Variants in STPG2 observed in about 807,000 individuals in gnomAD.
STPG2 encodes the protein sperm tail PG-rich repeat containing 2.
A neutral mutation model predicts 54.2 loss-of-function variants in STPG2; 56 were observed. The observed-to-expected ratio is 1.03, with a 90% CI of 0.83 to 1.29. The LOEUF is 1.29. Ranked by LOEUF, STPG2 falls within the 50% of genes most tolerant of loss-of-function variation. The pLI is 0.00. For synonymous variants in STPG2, 200 were observed against 181.8 expected, an observed-to-expected ratio of 1.10 and a Z score of -0.81; for missense variants, 596 against 544.9, an observed-to-expected ratio of 1.09 and a Z score of -0.93.
intron 10 of STPG2, among the ~76,000 whole-genome samples, chr4:97,688,959 C>A (rs115716217): frequency 0.04 from 6,098 of 152,202 alleles, 173 homozygotes; most frequent in Middle Eastern, 0.068. Context: ...AACTAAAACA[C>A]TAATCTTTGC....
In STPG2 at chr4:97,564,595, T is replaced by C. The variant is rs568855744; in HGVS notation, c.1321-5478A>G. 3.7e-4 allele frequency among the ~76,000 whole-genome samples: 57 copies of C among 152,290 alleles called. 1 individual carries two copies. Among genetic ancestry groups the C allele is most frequent in the African/African-American group, 1.3e-3 (55 of 41,554 alleles). ...ACTGGTTGTTCCTTTCCATGTTTAG[T>C]GCTTCCTTCAGGACCTCTTTTAGGG... On this transcript the variant is annotated intron_variant, in intron 10 of 10. Transcript: ENST00000295268.
intron 8 of STPG2, among the ~76,000 whole-genome samples, chr4:97,899,168 T>C (rs2149183639): frequency 1.3e-5 from 2 of 151,946 alleles, no homozygotes; most frequent in Non-Finnish European, 2.9e-5. Flanking sequence ...ACCTTACCTA[T>C]ACACCAACAA....
chr4:97,633,278 CTTAA>C (rs754652237), intron 10 of STPG2, among the ~76,000 whole-genome samples: 9 of 151,944 alleles, frequency 5.9e-5, no homozygotes, highest in East Asian at 5.8e-4. Flanking sequence ...TTTTTATTGA[CTTAA>C]TTAAATATAC....
chr4:97,495,600 T>C (rs1011098438), intron 4 of STPG2, among the ~76,000 whole-genome samples: 1 of 151,148 alleles, frequency 6.6e-6, no homozygotes, highest in African/African-American at 2.4e-5. Context: ...AAACTCTATA[T>C]TAATTATCTG....
chr4:97,452,366 T>C (rs571454056), intron 4 of STPG2, among the ~76,000 whole-genome samples: 6 of 152,130 alleles, frequency 3.9e-5, no homozygotes, highest in African/African-American at 1.4e-4. Flanking sequence ...CTGGGTGGAA[T>C]GGGGCAGGTC....
chr4:97,499,639 A>T (rs775840875), intron 4 of STPG2, among the ~76,000 whole-genome samples: 5 of 151,978 alleles, frequency 3.3e-5, no homozygotes, highest in Non-Finnish European at 7.4e-5. Flanking sequence ...AGGAGAAAAA[A>T]GAGATAGAAA....
chr4:97,762,049 T>G (rs957508137), intron 9 of STPG2, among the ~76,000 whole-genome samples: 4 of 152,180 alleles, frequency 2.6e-5, no homozygotes, highest in African/African-American at 9.6e-5. Context: ...TCAGTGTCCT[T>G]GAGTTTTCAG....
rs757379256 is a variant in STPG2, at chr4:98,105,916, TTGG to T, written c.612+34_612+36del. The T allele has an allele frequency of 2.0e-6, 3 of 1,501,604 alleles. No homozygotes were observed. In the African/African-American group the frequency reaches 4.1e-5, roughly 21 times the overall value. The allele number at this position is 1,501,604 out of a possible 1,614,324, so 93.0% of individuals were successfully genotyped here. On this transcript the variant is annotated intron_variant, in intron 5 of 10. Transcript: ENST00000295268. Reference sequence around the variant, plus strand: ...ATAACAGGATTCAATGATCTTAAAATTGGGAAAATATATGCATTAGCCACTTTT... The same window carrying T: ...ATAACAGGATTCAATGATCTTAAAATGAAAATATATGCATTAGCCACTTTT...
chr4:97,527,690 T>A (rs1394223399), intron 4 of STPG2, among the ~76,000 whole-genome samples: 1 of 152,178 alleles, frequency 6.6e-6, no homozygotes, highest in African/African-American at 2.4e-5. Flanking sequence ...TGATTACCAT[T>A]CTGACTGGTA....
At chr4:97,815,261 T>A (rs987879993) in intron 9 of STPG2, among the ~76,000 whole-genome samples, 1 of 152,150 alleles carries the variant, frequency 6.6e-6, no homozygotes, top group Non-Finnish European at 1.5e-5. Context: ...TGCACACGTT[T>A]GTATATACAG....
At chr4:97,857,609 A>T (rs1443356341) in intron 8 of STPG2, among the ~76,000 whole-genome samples, 14 of 151,904 alleles carry the variant, frequency 9.2e-5, no homozygotes, top group Admixed American at 7.9e-4. Context: ...TGTCTCCTGG[A>T]TTCATTCATT....
intron 9 of STPG2, among the ~76,000 whole-genome samples, chr4:97,778,183 A>G (rs1726445814): frequency 6.6e-6 from 1 of 152,128 alleles, no homozygotes; most frequent in Non-Finnish European, 1.5e-5. Context: ...GGGGTGACAG[A>G]CAGCACCTGA....
intron 4 of STPG2, among the ~76,000 whole-genome samples, chr4:97,532,858 A>G (rs1040074593): frequency 6.6e-5 from 10 of 152,108 alleles, no homozygotes; most frequent in African/African-American, 2.4e-4. Context: ...ATGGTTGAGA[A>G]ATGCCCATTT....
intron 9 of STPG2, among the ~76,000 whole-genome samples, chr4:97,730,724 A>T (rs563136424): frequency 6.6e-6 from 1 of 152,220 alleles, no homozygotes; most frequent in South Asian, 2.1e-4. Flanking sequence ...TTTTTTTTAA[A>T]TCTTTTTTTC....
intron 5 of STPG2, among the ~76,000 whole-genome samples, chr4:98,062,370 T>C (rs1202031747): frequency 1.3e-5 from 2 of 152,102 alleles, no homozygotes; most frequent in African/African-American, 2.4e-5. Flanking sequence ...TCCTAGGTGA[T>C]GAAATAATCT....
At chr4:97,744,197 C>T (rs1393459160) in intron 9 of STPG2, among the ~76,000 whole-genome samples, 2 of 151,284 alleles carry the variant, frequency 1.3e-5, no homozygotes, top group Non-Finnish European at 3.0e-5. Context: ...TGACAATATT[C>T]TTTTCTTCTT....
At chr4:97,664,220 C>T (rs897810335) in intron 10 of STPG2, among the ~76,000 whole-genome samples, 3 of 152,126 alleles carry the variant, frequency 2.0e-5, no homozygotes, top group Non-Finnish European at 4.4e-5. Flanking sequence ...ACTTGCATTT[C>T]ACAAATAAGA....
rs141291703 is a variant in STPG2 at position 97,850,569 on chromosome 4, G to A, written c.1045-9637C>T. On this transcript the variant is annotated intron_variant, in intron 8 of 10. Transcript: ENST00000295268. ...ACTTTATAATGATCTGTATATGCAC[G>A]TCATTATTTATATTTCTGATCCTCC... 8.1e-3 allele frequency among the ~76,000 whole-genome samples: 1,219 copies of A among 151,116 alleles called. 16 individuals are homozygous for A. The highest frequency in any genetic ancestry group is 0.026 in the African/African-American group (1,054 of 41,212).
chr4:98,022,680 C>T (rs1736261130), intron 5 of STPG2, among the ~76,000 whole-genome samples: 1 of 152,144 alleles, frequency 6.6e-6, no homozygotes, highest in African/African-American at 2.4e-5. Context: ...TTGGTCTTTT[C>T]ACATAGTCCC....
Sources: gnomAD v4.1 joint callset for allele counts (sites outside exome capture counted in the v4.1 genomes callset) on GRCh38, gnomAD v4.1.1 for gene constraint, MANE v1.5 for transcripts, NCBI Gene and HGNC (gene_info 2026-07-23, HGNC 2026-07-21) for gene names.